EPHA6: variants seen among roughly 807,000 people sequenced by gnomAD.
EPHA6 encodes the protein EPH receptor A6, also known as ephrin type-A receptor 6.
In EPHA6, 50 loss-of-function variants were observed where a neutral mutation model predicts 112.0. The ratio of observed to expected loss-of-function variants is 0.45; its 90% confidence interval spans 0.36 to 0.56. The LOEUF (loss-of-function observed/expected upper bound fraction) is 0.56, where lower values mean the gene tolerates loss of function less well. Ranked by LOEUF, EPHA6 falls within the 20% of genes least tolerant of loss-of-function variation. The pLI is 0.00. For synonymous variants in EPHA6, 529 were observed against 490.7 expected (o/e 1.08, Z -1.03); for missense variants, 1,280 against 1,417.4 (o/e 0.90, Z 1.56).
intron 15 of EPHA6, among the ~76,000 whole-genome samples, chr3:97,721,156 C>T (rs958970434): frequency 3.9e-5 from 6 of 152,168 alleles, no homozygotes; most frequent in African/African-American, 1.4e-4. Context: ...GTTTCTGATA[C>T]AATGGTAATA....
chr3:97,644,743 A>T (rs1202289264), intron 14 of EPHA6, among the ~76,000 whole-genome samples: 6 of 151,286 alleles, frequency 4.0e-5, no homozygotes, highest in Non-Finnish European at 1.5e-5. Flanking sequence ...ACCAGGAAGA[A>T]GTTGAATCTC....
At chr3:97,740,180 T>A (rs2035439822) in intron 16 of EPHA6, among the ~76,000 whole-genome samples, 1 of 152,122 alleles carries the variant, frequency 6.6e-6, no homozygotes, top group South Asian at 2.1e-4. Context: ...TCCTACACAT[T>A]TATTCTGCAT....
intron 5 of EPHA6, among the ~76,000 whole-genome samples, chr3:97,340,102 A>G (rs565952374): frequency 6.6e-6 from 1 of 152,384 alleles, no homozygotes; most frequent in East Asian, 1.9e-4. Context: ...TAGTCTATTA[A>G]GGACAGGTAC....
intron 5 of EPHA6, among the ~76,000 whole-genome samples, chr3:97,303,649 G>A (rs748191632): frequency 7.3e-5 from 11 of 151,696 alleles, no homozygotes; most frequent in Non-Finnish European, 1.6e-4. Flanking sequence ...TTTAAAACAG[G>A]GCGAACATAT....
intron 1 of EPHA6, among the ~76,000 whole-genome samples, chr3:96,852,494 A>G (rs964180838): frequency 2.0e-5 from 3 of 151,976 alleles, no homozygotes; most frequent in Admixed American, 1.3e-4. Flanking sequence ...AATTGTCTCC[A>G]TAAGTTCCTT....
At chr3:97,475,728 A>C (rs1295595672) in intron 8 of EPHA6, among the ~76,000 whole-genome samples, 1 of 152,130 alleles carries the variant, frequency 6.6e-6, no homozygotes, top group Non-Finnish European at 1.5e-5. Context: ...CCTTTACTAT[A>C]ATCAAATTAC....
chr3:96,889,606 T>A (rs1168537650), intron 2 of EPHA6, among the ~76,000 whole-genome samples: 1 of 152,142 alleles, frequency 6.6e-6, no homozygotes, highest in Non-Finnish European at 1.5e-5. Context: ...CCCACCAGGT[T>A]CCTCCCACAA....
At chr3:96,886,781 C>A (rs775802181) in intron 2 of EPHA6, among the ~76,000 whole-genome samples, 2 of 151,736 alleles carry the variant, frequency 1.3e-5, no homozygotes, top group South Asian at 4.2e-4. Flanking sequence ...TTTTGTAGGT[C>A]CTATGTGATC....
intron 2 of EPHA6, among the ~76,000 whole-genome samples, chr3:96,981,629 T>G (rs984341565): frequency 3.9e-5 from 6 of 152,194 alleles, no homozygotes; most frequent in Admixed American, 2.0e-4. Context: ...GAAGGAATGG[T>G]ACCAGCTCCT....
chr3:97,441,993 AAC>A (rs2090153948), intron 6 of EPHA6, among the ~76,000 whole-genome samples: 1 of 152,182 alleles, frequency 6.6e-6, no homozygotes, highest in South Asian at 2.1e-4. Flanking sequence ...ACAAAGAAAG[AAC>A]ATATACTTTA....
rs549145200 is a variant in EPHA6, at chr3:97,756,718, G to A, written c.*8017G>A. 5.8e-4 allele frequency among the ~76,000 whole-genome samples: 88 copies of A among 151,872 alleles called. 2 individuals are homozygous for A. In the South Asian group the frequency reaches 0.017, roughly 29 times the overall value. On this transcript the variant is annotated 3_prime_UTR_variant, in exon 18 of 18. Coordinates refer to ENST00000389672, the MANE Select transcript of EPHA6 (RefSeq NM_001080448.3). ...AGTAAAAAAAATCAAAATGTGAAAT[G>A]GGAGCATTTTGGGGAGCGAGCAGGA...
At chr3:97,660,915 T>C (rs147233282) in intron 14 of EPHA6, among the ~76,000 whole-genome samples, 8 of 152,270 alleles carry the variant, frequency 5.3e-5, no homozygotes, top group South Asian at 2.1e-4. Flanking sequence ...GACAGTAGTC[T>C]TGTTTTGTTC....
chr3:97,640,616 CAA>C (rs751425851), intron 14 of EPHA6, among the ~76,000 whole-genome samples: 2 of 133,936 alleles, frequency 1.5e-5, no homozygotes, highest in Admixed American at 7.6e-5. Flanking sequence ...ACTAAAAATA[CAA>C]AAAAAAAAAA....
At chr3:97,637,162 G>A (rs2093953191) in intron 13 of EPHA6, among the ~76,000 whole-genome samples, 3 of 151,856 alleles carry the variant, frequency 2.0e-5, no homozygotes, top group African/African-American at 7.2e-5. Context: ...TAGTTAAATG[G>A]GATTGATACT....
chr3:97,700,448 G>A (rs1358503435), intron 14 of EPHA6, among the ~76,000 whole-genome samples: 1 of 152,200 alleles, frequency 6.6e-6, no homozygotes, highest in Non-Finnish European at 1.5e-5. Context: ...ACCTGGCTGG[G>A]TAGAGGTGAA....
At chr3:97,039,163 G>A (rs1576370960) in intron 3 of EPHA6, among the ~76,000 whole-genome samples, 1 of 151,936 alleles carries the variant, frequency 6.6e-6, no homozygotes, top group East Asian at 1.9e-4. Context: ...AGTTAGGGAG[G>A]GCAGGAAAAC....
At chr3:97,528,177 C>A (rs1212615710) in intron 10 of EPHA6, among the ~76,000 whole-genome samples, 1 of 151,984 alleles carries the variant, frequency 6.6e-6, no homozygotes, top group Non-Finnish European at 1.5e-5. Flanking sequence ...ATTAAGTGAC[C>A]CTACTTTGTC....
At chr3:97,258,240 GTA>G (rs563790734) in intron 5 of EPHA6, among the ~76,000 whole-genome samples, 3,742 of 148,334 alleles carry the variant, frequency 0.025, 143 homozygotes, top group African/African-American at 0.09. Flanking sequence ...TTGTGTATGA[GTA>G]TATATATATA....
chr3:97,075,825 A>G (rs1489172895), intron 3 of EPHA6, among the ~76,000 whole-genome samples: 1 of 151,698 alleles, frequency 6.6e-6, no homozygotes, highest in Admixed American at 6.6e-5. Flanking sequence ...AAAAAATTTT[A>G]TTATTATTGT....
Sources: gnomAD v4.1 joint callset for allele counts (sites outside exome capture counted in the v4.1 genomes callset) on GRCh38, gnomAD v4.1.1 for gene constraint, MANE v1.5 for transcripts, NCBI Gene and HGNC (gene_info 2026-07-23, HGNC 2026-07-21) for gene names.